The following USP25 variants were observed in gnomAD, a reference collection of about 807,000 sequenced individuals.
USP25 encodes the protein ubiquitin specific peptidase 25.
Under a neutral mutation model 158.5 loss-of-function variants are expected in USP25, and 85 were observed. That is an observed-to-expected ratio of 0.54 (90% CI 0.45 to 0.64). USP25 has a LOEUF of 0.64. USP25 is among the 30% of genes least tolerant of loss of function. The probability of loss-of-function intolerance (pLI) is 0.00; values close to 1 mark genes in which losing one functional copy is unlikely to be tolerated. For synonymous variants in USP25, 464 were observed against 460.4 expected, an observed-to-expected ratio of 1.01 and a Z score of -0.10; for missense variants, 1,242 against 1,327.3, an observed-to-expected ratio of 0.94 and a Z score of 1.00.
chr21:15,829,120 T>A (rs1471585477), intron 14 of USP25, among the ~76,000 whole-genome samples: 1 of 152,198 alleles, frequency 6.6e-6, no homozygotes, highest in Non-Finnish European at 1.5e-5. Context: ...TCCTAAATAG[T>A]GCTGGTCTTC....
intron 2 of USP25, 133 bp downstream of exon 2, chr21:15,763,101 A>G: frequency 1.3e-6 from 1 of 754,858 alleles, no homozygotes; most frequent in Non-Finnish European, 2.0e-6. Context: ...GACTTTGTAA[A>G]GTAAAATCCT....
rs2037486562 is a variant in USP25 at position 15,826,078 on chromosome 21, A to G, written c.1305-126A>G. 1.9e-6 allele frequency: 2 copies of G among 1,059,614 alleles called. No homozygotes were observed. The highest frequency in any genetic ancestry group is 2.6e-5 in the East Asian group (1 of 38,420). The allele number at this position is 1,059,614 out of a possible 1,614,324, so 65.6% of individuals were successfully genotyped here. A position where few individuals can be genotyped will look rare whatever the true frequency, so the allele number is the denominator to read the frequency against. On this transcript the variant is annotated intron_variant, in intron 12 of 25. Transcript: ENST00000400183. The surrounding 1 kb of genome is among the most constrained non-coding windows in gnomAD (Gnocchi z 4.8). ...TATTCAGTTTTACCATCTTCGTTTT[A>G]AAGCAAATGAATTTTATTGCTGAGG...
chr21:15,859,364 T>C (rs1261161626), intron 20 of USP25, among the ~76,000 whole-genome samples: 1 of 151,934 alleles, frequency 6.6e-6, no homozygotes, highest in Non-Finnish European at 1.5e-5. Context: ...GGCTAAGTTT[T>C]TTTTGTATTT....
intron 4 of USP25, among the ~76,000 whole-genome samples, chr21:15,790,470 G>A (rs918687769): frequency 1.3e-5 from 2 of 151,532 alleles, no homozygotes; most frequent in Non-Finnish European, 2.9e-5. Flanking sequence ...ATAATATTTT[G>A]ACATTAATCT....
chr21:15,847,215 A>G (rs943427695), intron 18 of USP25, among the ~76,000 whole-genome samples: 1 of 152,206 alleles, frequency 6.6e-6, no homozygotes, highest in Non-Finnish European at 1.5e-5. Flanking sequence ...TGAGATATCA[A>G]GAAAGGTTTT....
intron 1 of USP25, among the ~76,000 whole-genome samples, chr21:15,736,847 C>T: frequency 6.8e-6 from 1 of 147,836 alleles, no homozygotes; most frequent in East Asian, 2.0e-4. Context: ...TTTTAATTAA[C>T]TATTTAATTT....
intron 1 of USP25, among the ~76,000 whole-genome samples, chr21:15,756,374 T>C (rs962728513): frequency 2.7e-4 from 41 of 152,254 alleles, no homozygotes; most frequent in Middle Eastern, 3.4e-3. Context: ...TTCAGAGCAC[T>C]CAGCAAGCCA....
chr21:15,866,741 C>T (rs993393036), intron 22 of USP25, among the ~76,000 whole-genome samples: 2 of 152,108 alleles, frequency 1.3e-5, no homozygotes, highest in Non-Finnish European at 2.9e-5. Flanking sequence ...AGGCATTTGT[C>T]TAAGCCCTTT....
chr21:15,869,568 C>T (rs577044527), intron 22 of USP25, among the ~76,000 whole-genome samples: 20 of 152,130 alleles, frequency 1.3e-4, no homozygotes, highest in African/African-American at 4.6e-4. Context: ...ATAAACTATT[C>T]GCCTACACAC....
intron 20 of USP25, among the ~76,000 whole-genome samples, chr21:15,861,702 T>A (rs2039433961): frequency 1.3e-5 from 2 of 152,154 alleles, no homozygotes; most frequent in Admixed American, 1.3e-4. Context: ...TTTATGCTAG[T>A]GAAAATGTTT....
intron 17 of USP25, among the ~76,000 whole-genome samples, chr21:15,834,707 T>G (rs2037977065): frequency 6.6e-6 from 1 of 152,182 alleles, no homozygotes; most frequent in Non-Finnish European, 1.5e-5. Flanking sequence ...TGTCGTTGAT[T>G]TTGATCCTGA....
intron 23 of USP25, among the ~76,000 whole-genome samples, chr21:15,871,106 T>G (rs926947458): frequency 6.6e-6 from 1 of 152,206 alleles, no homozygotes; most frequent in Non-Finnish European, 1.5e-5. Context: ...GACAGTACTT[T>G]CATTTTTATA....
chr21:15,762,621 C>A (rs2033797004), intron 1 of USP25, among the ~76,000 whole-genome samples: 1 of 152,112 alleles, frequency 6.6e-6, no homozygotes, highest in South Asian at 2.1e-4. Context: ...AGGACAGAAA[C>A]TGCTAATTCA....
At chr21:15,864,158 C>CA (rs878887662) in intron 20 of USP25, 110 bp from the exon 21 acceptor site, 65,002 of 921,648 alleles carry the variant, frequency 0.071, 94 homozygotes, top group Non-Finnish European at 0.076. Flanking sequence ...CTTTAAAAGC[C>CA]AAAAAAAAAA....
intron 3 of USP25, among the ~76,000 whole-genome samples, chr21:15,775,639 T>C (rs1009479262): frequency 6.6e-6 from 1 of 151,860 alleles, no homozygotes; most frequent in Non-Finnish European, 1.5e-5. Flanking sequence ...CTCTTGACAT[T>C]CTTAAAGCTG....
Position 15,847,654 on chromosome 21 carries a change from C to T in USP25, c.2338-9C>T, listed in dbSNP as rs1308706289. On this transcript the variant is annotated splice_polypyrimidine_tract_variant and intron_variant, in intron 18 of 25. Coordinates refer to ENST00000400183, the MANE Select transcript of USP25 (RefSeq NM_001283041.3). The stretch of plus-strand genomic sequence containing the variant: ...TTCTAATGTTTATATTAATGATTTC[C>T]TTCTGCAGAAACCTGAAAATACTAC... 1.3e-6 allele frequency: 2 copies of T among 1,536,264 alleles called. No individual in the cohort carries two copies. The highest frequency in any genetic ancestry group is 1.8e-6 in the Non-Finnish European group (2 of 1,134,412).
intron 21 of USP25, 90 bp downstream of exon 21, chr21:15,864,536 A>C: frequency 2.6e-6 from 3 of 1,176,200 alleles, no homozygotes; most frequent in Non-Finnish European, 3.5e-6. Flanking sequence ...TATTTATTTT[A>C]TATATGCATG....
chr21:15,746,909 G>A (rs138083535), intron 1 of USP25, among the ~76,000 whole-genome samples: 534 of 152,188 alleles, frequency 3.5e-3, no homozygotes, highest in African/African-American at 0.012. Context: ...TCTTGTTCCC[G>A]ATTTTGTATG....
rs2037509980 is a variant in USP25, at chr21:15,826,506, CTG to C, written c.1466+143_1466+144del. On this transcript the variant is annotated intron_variant, in intron 13 of 25. Coordinates refer to ENST00000400183, the MANE Select transcript of USP25 (RefSeq NM_001283041.3). The surrounding 1 kb of genome is among the most constrained non-coding windows in gnomAD (Gnocchi z 4.8). ...CCTAAGAGTAGATTCACTTAGAAGA[CTG>C]TATGTCCTCTGGGAGTTTTTTTATT... The C allele has an allele frequency of 2.2e-6, 2 of 929,928 alleles. No homozygotes were observed. The highest frequency in any genetic ancestry group is 1.7e-5 in the African/African-American group (1 of 59,784). 57.6% of individuals were successfully genotyped at this position (929,928 alleles called of 1,614,324 possible).
Sources: allele counts gnomAD v4.1 joint callset (sites outside exome capture counted in the v4.1 genomes callset), GRCh38; gene constraint gnomAD v4.1.1; non-coding constraint Gnocchi (gnomAD v3.1); transcripts MANE v1.5; gene names NCBI Gene and HGNC (gene_info 2026-07-23, HGNC 2026-07-21).